The following RBFOX1 variants were observed in gnomAD, a reference collection of about 807,000 sequenced individuals.
The protein encoded by RBFOX1 is RNA binding fox-1 homolog 1.
In RBFOX1, 8 loss-of-function variants were observed where a neutral mutation model predicts 57.7. That is an observed-to-expected ratio of 0.14 (90% CI 0.08 to 0.25). The LOEUF (loss-of-function observed/expected upper bound fraction) is 0.25. Among genes scored for constraint, RBFOX1 ranks in the 10% least tolerant of loss-of-function variants. The pLI, the probability that RBFOX1 is intolerant of heterozygous loss-of-function variation, is 1.00. For synonymous variants in RBFOX1, 326 were observed against 222.4 expected, an observed-to-expected ratio of 1.47 and a Z score of -4.15; for missense variants, 611 against 548.5, an observed-to-expected ratio of 1.11 and a Z score of -1.14.
intron 1 of RBFOX1, among the ~76,000 whole-genome samples, chr16:6,210,649 G>A (rs1338354124): frequency 1.3e-5 from 2 of 151,996 alleles, no homozygotes; most frequent in Non-Finnish European, 2.9e-5. Context: ...TTGAACCCTG[G>A]AAGGTTGAGG....
intron 2 of RBFOX1, among the ~76,000 whole-genome samples, chr16:6,352,582 C>A (rs1446817631): frequency 6.6e-6 from 1 of 152,102 alleles, no homozygotes; most frequent in African/African-American, 2.4e-5. Flanking sequence ...AACAAAAAAA[C>A]AAACAAACAA....
intron 2 of RBFOX1, among the ~76,000 whole-genome samples, chr16:6,632,119 T>C (rs988198178): frequency 1.3e-5 from 2 of 152,162 alleles, no homozygotes; most frequent in Non-Finnish European, 2.9e-5. Context: ...CCCTTGTTAA[T>C]TGTGTGTCCT....
intron 3 of RBFOX1, among the ~76,000 whole-genome samples, chr16:5,755,382 T>G (rs551731664): frequency 6.6e-6 from 1 of 152,268 alleles, no homozygotes; most frequent in African/African-American, 2.4e-5. Flanking sequence ...GAGGGACAGA[T>G]TGGGTGAGGC....
intron 2 of RBFOX1, among the ~76,000 whole-genome samples, chr16:5,536,657 C>T (rs542190121): frequency 6.6e-4 from 100 of 152,102 alleles, no homozygotes; most frequent in African/African-American, 2.3e-3. Flanking sequence ...GCGTCAAATT[C>T]GGTCCCCACT....
chr16:7,568,553 G>C (rs544367480), intron 5 of RBFOX1, among the ~76,000 whole-genome samples: 2 of 152,220 alleles, frequency 1.3e-5, no homozygotes, highest in African/African-American at 2.4e-5. Context: ...TTTATTACCT[G>C]TATCTTGTGC....
intron 3 of RBFOX1, among the ~76,000 whole-genome samples, chr16:5,836,162 G>A (rs1044064327): frequency 2.2e-4 from 33 of 152,156 alleles, no homozygotes; most frequent in African/African-American, 7.7e-4. Flanking sequence ...TGCTGCTACC[G>A]CCGCCAGCAC....
intron 4 of RBFOX1, among the ~76,000 whole-genome samples, chr16:7,406,001 C>A (rs989916718): frequency 6.6e-6 from 1 of 152,142 alleles, no homozygotes; most frequent in Non-Finnish European, 1.5e-5. Flanking sequence ...GCAATTGATC[C>A]TGCAACACAC....
chr16:6,959,795 G>A (rs116018175), intron 3 of RBFOX1, among the ~76,000 whole-genome samples: 6,272 of 152,160 alleles, frequency 0.041, 165 homozygotes, highest in East Asian at 0.083. Context: ...AAATTAGCCG[G>A]GTGTGTTGGC....
At chr16:5,893,352 A>T (rs911880585) in intron 4 of RBFOX1, among the ~76,000 whole-genome samples, 1 of 152,234 alleles carries the variant, frequency 6.6e-6, no homozygotes, top group Non-Finnish European at 1.5e-5. Flanking sequence ...TAGTATTGCT[A>T]GCATAACAGG....
At chr16:6,860,698 G>GT (rs2061961292) in intron 3 of RBFOX1, among the ~76,000 whole-genome samples, 1 of 152,132 alleles carries the variant, frequency 6.6e-6, no homozygotes, top group Non-Finnish European at 1.5e-5. Flanking sequence ...CATGTCTGGT[G>GT]TGTCATGTTA....
intron 2 of RBFOX1, among the ~76,000 whole-genome samples, chr16:6,643,350 T>A (rs77041503): frequency 1.3e-5 from 2 of 152,156 alleles, no homozygotes; most frequent in East Asian, 1.9e-4. Context: ...AATCTATCAC[T>A]GCAAACATTT....
intron 1 of RBFOX1, among the ~76,000 whole-genome samples, chr16:6,195,376 G>A (rs983292763): frequency 1.6e-4 from 25 of 152,010 alleles, no homozygotes; most frequent in African/African-American, 2.9e-4. Context: ...GTATCTTTCC[G>A]TCTTCTGGAC....
rs962969094 is a variant in RBFOX1 at position 6,555,623 on chromosome 16, C to T, written c.-63-98980C>T. 7.2e-5 allele frequency among the ~76,000 whole-genome samples: 11 copies of T among 152,104 alleles called. 1 individual carries two copies. Among genetic ancestry groups the T allele is most frequent in the African/African-American group, 2.7e-4 (11 of 41,418 alleles). Reference sequence around the variant, plus strand: ...GCTGAGGCAGGAGAATGGCGTGAATCCGGGAGGCAGAGCTTGCCGTGAGCC... The same window carrying T: ...GCTGAGGCAGGAGAATGGCGTGAATTCGGGAGGCAGAGCTTGCCGTGAGCC... On this transcript the variant is annotated intron_variant, in intron 2 of 15. Transcript: ENST00000550418.
chr16:5,916,711 C>T (rs895341433), intron 4 of RBFOX1, among the ~76,000 whole-genome samples: 1 of 152,060 alleles, frequency 6.6e-6, no homozygotes, highest in African/African-American at 2.4e-5. Context: ...AGAAAGCTGC[C>T]GGGTCAGCAC....
At chr16:6,409,944 C>A (rs376536813) in intron 2 of RBFOX1, among the ~76,000 whole-genome samples, 2 of 152,002 alleles carry the variant, frequency 1.3e-5, no homozygotes, top group East Asian at 3.9e-4. Context: ...GCAGGAGCAC[C>A]CGAGAAGCAT....
chr16:5,415,289 A>T (rs2067132194), intron 1 of RBFOX1, among the ~76,000 whole-genome samples: 1 of 152,160 alleles, frequency 6.6e-6, no homozygotes, highest in African/African-American at 2.4e-5. Context: ...AGAGAGCAAG[A>T]ATGAGGAAGT....
intron 1 of RBFOX1, among the ~76,000 whole-genome samples, chr16:5,334,114 T>TTATCACAGGCTTGG (rs1185148027): frequency 6.6e-6 from 1 of 152,200 alleles, no homozygotes; most frequent in African/African-American, 2.4e-5. Flanking sequence ...GGGCGAGAGC[T>TTATCACAGGCTTGG]TATCACAGGC....
intron 4 of RBFOX1, among the ~76,000 whole-genome samples, chr16:5,877,616 G>A (rs960520519): frequency 6.6e-6 from 1 of 152,232 alleles, no homozygotes; most frequent in Non-Finnish European, 1.5e-5. Context: ...TTAAACAGCA[G>A]CTTTTATTGA....
intron 3 of RBFOX1, among the ~76,000 whole-genome samples, chr16:6,755,646 C>G (rs1468131184): frequency 6.6e-6 from 1 of 152,116 alleles, no homozygotes; most frequent in Non-Finnish European, 1.5e-5. Flanking sequence ...GGAATGAGAA[C>G]TTTAGTAAAA....
Sources: gnomAD v4.1 joint callset for allele counts (sites outside exome capture counted in the v4.1 genomes callset) on GRCh38, gnomAD v4.1.1 for gene constraint, MANE v1.5 for transcripts, NCBI Gene and HGNC (gene_info 2026-07-23, HGNC 2026-07-21) for gene names.